CRTC3: variants seen among roughly 807,000 people sequenced by gnomAD.
The protein encoded by CRTC3 is CREB regulated transcription coactivator 3, also known as CREB-regulated transcription coactivator 3.
Under a neutral mutation model 74.5 loss-of-function variants are expected in CRTC3, and 26 were observed. That is an observed-to-expected ratio of 0.35 (90% CI 0.26 to 0.48). The LOEUF (loss-of-function observed/expected upper bound fraction) is 0.48. Ranked by LOEUF, CRTC3 falls within the 20% of genes least tolerant of loss-of-function variation. The pLI is 0.99. For missense variants in CRTC3, 760 were observed against 787.3 expected (o/e 0.97, Z 0.41); for synonymous variants, 377 against 325.8 (o/e 1.16, Z -1.69).
In CRTC3 at chr15:90,615,330, A is replaced by G. The variant is rs978763128; in HGVS notation, c.613+842A>G. On this transcript the variant is annotated intron_variant, in intron 7 of 14. Coordinates refer to ENST00000268184, the MANE Select transcript of CRTC3 (RefSeq NM_022769.5). ...ACAGTTCATTTATTTACTCAGTACC[A>G]GGGACTGTTTTCTTTTCTCTAAATC... Among the ~76,000 whole-genome samples, 3 of 152,204 alleles carry G rather than the reference A, an allele frequency of 2.0e-5. No individual in the cohort carries two copies. The East Asian group carries it at 5.8e-4, about 29-fold the overall frequency.
chr15:90,593,899 A>T (rs1967857890), intron 3 of CRTC3, 144 bp downstream of exon 3: 1 of 730,008 alleles, frequency 1.4e-6, no homozygotes, highest in South Asian at 2.9e-5. Flanking sequence ...ATGAGTTGGA[A>T]ACTAGAAACA....
In CRTC3 at chr15:90,645,115, C is replaced by G. The variant is rs552587573; in HGVS notation, c.*2975C>G. Reference sequence around the variant, plus strand: ...TTTGCAGACCTTTCCTGTTCCCACTCTTGTTGGCTCTTCTGATTTATGCAC... The same window carrying G: ...TTTGCAGACCTTTCCTGTTCCCACTGTTGTTGGCTCTTCTGATTTATGCAC... On this transcript the variant is annotated 3_prime_UTR_variant, in exon 15 of 15. Coordinates refer to ENST00000268184, the MANE Select transcript of CRTC3 (RefSeq NM_022769.5). The G allele has an allele frequency of 2.6e-5, 6 of 230,218 alleles. No homozygotes were observed. In the South Asian group the frequency reaches 1.1e-3, roughly 42 times the overall value. 14.3% of individuals were successfully genotyped at this position (230,218 alleles called of 1,614,324 possible).
chr15:90,539,366 A>G (rs945235621), intron 1 of CRTC3, among the ~76,000 whole-genome samples: 1 of 152,292 alleles, frequency 6.6e-6, no homozygotes. Flanking sequence ...ACCCCAATTA[A>G]TGGTAATATC....
intron 11 of CRTC3, among the ~76,000 whole-genome samples, chr15:90,637,462 G>T (rs1417756792): frequency 3.3e-5 from 5 of 152,156 alleles, no homozygotes; most frequent in Admixed American, 6.5e-5. Context: ...TAAATGACGA[G>T]TTAATGGGTG....
In CRTC3 at chr15:90,638,726, T is replaced by C. The variant is rs778668233; in HGVS notation, c.1468-9T>C. On this transcript the variant is annotated splice_polypyrimidine_tract_variant and intron_variant, in intron 12 of 14. Coordinates refer to ENST00000268184, the MANE Select transcript of CRTC3 (RefSeq NM_022769.5). ...CCAAGCTAAATGATCATCTCCTTAT[T>C]CCCTGAAGGGCTCATCTTTGACCAA... The C allele has an allele frequency of 2.9e-5, 46 of 1,613,830 alleles. No homozygotes were observed. In the Admixed American group the frequency reaches 7.0e-4, roughly 25 times the overall value.
intron 5 of CRTC3, among the ~76,000 whole-genome samples, chr15:90,605,819 A>C (rs536774186): frequency 6.6e-6 from 1 of 152,386 alleles, no homozygotes; most frequent in East Asian, 1.9e-4. Flanking sequence ...TATGGCCGAC[A>C]GTTTGACCTT....
intron 2 of CRTC3, among the ~76,000 whole-genome samples, chr15:90,560,894 C>CA (rs1466586201): frequency 4.6e-5 from 7 of 152,196 alleles, no homozygotes; most frequent in Admixed American, 2.6e-4. Flanking sequence ...AATTTAATAC[C>CA]ATACAAGCCC....
chr15:90,542,600 C>G (rs1966821431), intron 2 of CRTC3, among the ~76,000 whole-genome samples: 1 of 152,178 alleles, frequency 6.6e-6, no homozygotes, highest in African/African-American at 2.4e-5. Flanking sequence ...ATACAGCCAT[C>G]AAGATAAGAA....
chr15:90,645,021 T>G lies in CRTC3; in HGVS notation c.*2881T>G, dbSNP rs972577995. ...GAATTCTCCTTTGTCCTGTTTCTCC[T>G]GTTTCATTTCTCCTCCGCCTGCTGT... is the stretch of plus-strand genomic sequence containing the variant. On this transcript the variant is annotated 3_prime_UTR_variant, in exon 15 of 15. Transcript: ENST00000268184. 3.4e-5 allele frequency: 8 copies of G among 231,932 alleles called. No individual in the cohort carries two copies. The highest frequency in any genetic ancestry group is 6.8e-5 in the Non-Finnish European group (8 of 117,260). 14.4% of individuals were successfully genotyped at this position (231,932 alleles called of 1,614,324 possible). A position where few individuals can be genotyped will look rare whatever the true frequency, so the allele number is the denominator to read the frequency against.
intron 2 of CRTC3, among the ~76,000 whole-genome samples, chr15:90,567,997 T>C (rs1390545843): frequency 6.6e-6 from 1 of 152,224 alleles, no homozygotes; most frequent in East Asian, 1.9e-4. Flanking sequence ...ACATTCATGG[T>C]TCATAGGAAG....
intron 3 of CRTC3, chr15:90,599,593 T>G (rs950652030): frequency 6.6e-6 from 1 of 152,184 alleles, no homozygotes; most frequent in Non-Finnish European, 1.5e-5. Context: ...TCCACTAAAT[T>G]AGATGAGAGT....
intron 11 of CRTC3, among the ~76,000 whole-genome samples, chr15:90,637,579 C>A (rs1392274894): frequency 6.6e-6 from 1 of 152,170 alleles, no homozygotes; most frequent in Non-Finnish European, 1.5e-5. Context: ...GAAATTTCTT[C>A]TAAACCCTGT....
At chr15:90,535,768 T>C (rs1422059676) in intron 1 of CRTC3, among the ~76,000 whole-genome samples, 1 of 152,226 alleles carries the variant, frequency 6.6e-6, no homozygotes, top group East Asian at 1.9e-4. Context: ...ACTTTCCTTT[T>C]GCGAGGCACT....
chr15:90,642,807 A>T lies in CRTC3; in HGVS notation c.*667A>T. 1 of 232,514 alleles carries T rather than the reference A, an allele frequency of 4.3e-6. No homozygotes were observed. Among genetic ancestry groups the T allele is most frequent in the Non-Finnish European group, 8.5e-6 (1 of 117,484 alleles). 14.4% of individuals were successfully genotyped at this position (232,514 alleles called of 1,614,324 possible). ...AAAGTACACCTTTTCCTTATGGACC[A>T]GAGGAAGAGGAAGACCATTTTATCA... is the stretch of plus-strand genomic sequence containing the variant. On this transcript the variant is annotated 3_prime_UTR_variant, in exon 15 of 15. Coordinates refer to ENST00000268184, the MANE Select transcript of CRTC3 (RefSeq NM_022769.5).
At chr15:90,641,314 C>T (rs988473171) in intron 14 of CRTC3, 115 bp downstream of exon 14, 1 of 731,280 alleles carries the variant, frequency 1.4e-6, no homozygotes, top group Non-Finnish European at 2.3e-6. Context: ...TTAACGTTCC[C>T]TGGGTCGACT....
chr15:90,577,547 G>A (rs1967435651), intron 2 of CRTC3, among the ~76,000 whole-genome samples: 1 of 152,194 alleles, frequency 6.6e-6, no homozygotes. Flanking sequence ...GTATCAGTAA[G>A]TTACCATTTG....
At chr15:90,593,430 A>C (rs1462399747) in intron 2 of CRTC3, among the ~76,000 whole-genome samples, 1 of 152,086 alleles carries the variant, frequency 6.6e-6, no homozygotes, top group African/African-American at 2.4e-5. Context: ...CTCTTAACAC[A>C]CTACAGATTA....
At chr15:90,544,793 A>G (rs1966841570) in intron 2 of CRTC3, among the ~76,000 whole-genome samples, 3 of 152,198 alleles carry the variant, frequency 2.0e-5, no homozygotes, top group Non-Finnish European at 2.9e-5. Flanking sequence ...AGCACTTGGT[A>G]TTTCAGAGTT....
Position 90,644,122 on chromosome 15 carries a change from A to G in CRTC3, c.*1982A>G. The G allele has an allele frequency of 4.4e-6, 1 of 229,310 alleles. No homozygotes were observed. Among genetic ancestry groups the G allele is most frequent in the East Asian group, 6.2e-5 (1 of 16,022 alleles). 14.2% of individuals were successfully genotyped at this position (229,310 alleles called of 1,614,324 possible). A position where few individuals can be genotyped will look rare whatever the true frequency, so the allele number is the denominator to read the frequency against. On this transcript the variant is annotated 3_prime_UTR_variant, in exon 15 of 15. Transcript: ENST00000268184. ...CTGTGGAATTGGGAAATCAAACCAGAGTCCTCCTCGCCTGATTTCCAGCTC... is the reference window on the plus strand; with the variant it reads ...CTGTGGAATTGGGAAATCAAACCAGGGTCCTCCTCGCCTGATTTCCAGCTC...
Sources: allele counts gnomAD v4.1 joint callset (sites outside exome capture counted in the v4.1 genomes callset), GRCh38; gene constraint gnomAD v4.1.1; transcripts MANE v1.5; gene names NCBI Gene and HGNC (gene_info 2026-07-23, HGNC 2026-07-21).